The following ANKRD11 variants were observed in gnomAD, a reference collection of about 807,000 sequenced individuals.
The protein encoded by ANKRD11 is ankyrin repeat domain-containing protein 11.
A neutral mutation model predicts 195.7 loss-of-function variants in ANKRD11; 17 were observed. That is an observed-to-expected ratio of 0.09 (90% CI 0.06 to 0.13). ANKRD11 has a LOEUF of 0.13. Ranked by LOEUF, ANKRD11 falls within the 10% of genes least tolerant of loss-of-function variation. The pLI is 1.00. For missense variants in ANKRD11, 3,735 were observed against 3,566.1 expected (o/e 1.05, Z -1.21); for synonymous variants, 1,953 against 1,528.1 (o/e 1.28, Z -6.49).
chr16:89,280,454 C>T lies in ANKRD11; in HGVS notation c.6088G>A (p.Ala2030Thr), dbSNP rs747661700. 47 of 1,589,484 alleles carry T rather than the reference C, an allele frequency of 3.0e-5. No homozygotes were observed. The highest frequency in any genetic ancestry group is 3.9e-5 in the Non-Finnish European group (46 of 1,166,592). The change falls in exon 9 of 13, where the codon GCT becomes ACT. Residue 2030 changes from alanine (A) to threonine (T), a missense_variant. Ala to Thr is a moderately conservative substitution (Grantham distance 58). Transcript: ENST00000301030. ...ASPAPYALPV[A>T]EPGLEDVKDG... ...TTGACGTCCTCCAGCCCCGGCTCAG[C>T]GACGGGCAGAGCGTACGGGGCAGGA... is the stretch of plus-strand genomic sequence containing the variant.
chr16:89,294,886 G>A (rs1462555464), intron 4 of ANKRD11, among the ~76,000 whole-genome samples: 1 of 152,204 alleles, frequency 6.6e-6, no homozygotes, highest in East Asian at 1.9e-4. Flanking sequence ...ACACAGTGCA[G>A]AGCGCAGGAG....
rs547318423 is a variant in ANKRD11, at chr16:89,307,401, G to A, written c.88-2057C>T. 2.0e-5 allele frequency among the ~76,000 whole-genome samples: 3 copies of A among 152,340 alleles called. No individual in the cohort carries two copies. The South Asian group carries it at 6.2e-4, about 32-fold the overall frequency. On this transcript the variant is annotated intron_variant, in intron 3 of 12. Transcript: ENST00000301030. ...CAGTTAATCTGAGACATCCCTGAGT[G>A]ACCATGAAAGAGCTTTCCAGAACAT...
rs1013066585 is a variant in ANKRD11 at position 89,313,565 on chromosome 16, G to T, written c.87+3368C>A. ...TTCCATCTTCCACGTATATGTCACT[G>T]AGATCACGATTCTTTTGGAAAAATC... On this transcript the variant is annotated intron_variant, in intron 3 of 12. Coordinates refer to ENST00000301030, the MANE Select transcript of ANKRD11 (RefSeq NM_013275.6). The T allele has an allele frequency of 6.2e-6, 8 of 1,289,050 alleles. No homozygotes were observed. In the African/African-American group the frequency reaches 1.2e-4, roughly 20 times the overall value. 79.9% of individuals were successfully genotyped at this position (1,289,050 alleles called of 1,614,324 possible). A position where few individuals can be genotyped will look rare whatever the true frequency, so the allele number is the denominator to read the frequency against.
chr16:89,330,672 GGGGC>G (rs1456863075), intron 2 of ANKRD11, among the ~76,000 whole-genome samples: 102 of 45,870 alleles, frequency 2.2e-3, no homozygotes, highest in Non-Finnish European at 4.3e-3. Flanking sequence ...GGGGGGGGGG[GGGGC>G]GGGGGCGGAG....
At chr16:89,425,751 T>G (rs574467790) in intron 1 of ANKRD11, among the ~76,000 whole-genome samples, 4 of 152,232 alleles carry the variant, frequency 2.6e-5, no homozygotes, top group Admixed American at 2.6e-4. Context: ...TTTCTCTGAT[T>G]TAAAGTGAAA....
At chr16:89,275,400 C>T (rs1305652252) in intron 9 of ANKRD11, among the ~76,000 whole-genome samples, 3 of 152,232 alleles carry the variant, frequency 2.0e-5, no homozygotes, top group African/African-American at 7.2e-5. Context: ...CTCCACGGTG[C>T]CCCGTACAGC....
intron 1 of ANKRD11, among the ~76,000 whole-genome samples, chr16:89,456,314 C>A (rs935116651): frequency 1.3e-5 from 2 of 151,662 alleles, no homozygotes; most frequent in African/African-American, 4.8e-5. Context: ...TTCGGGAGGG[C>A]AAGACAGGCA....
intron 2 of ANKRD11, among the ~76,000 whole-genome samples, chr16:89,346,305 C>T (rs573631262): frequency 2.0e-5 from 3 of 150,536 alleles, no homozygotes; most frequent in East Asian, 1.9e-4. Flanking sequence ...GCCTCAGCCA[C>T]GGAGCAGATA....
At chr16:89,444,744 G>C (rs2043705268) in intron 1 of ANKRD11, among the ~76,000 whole-genome samples, 1 of 152,116 alleles carries the variant, frequency 6.6e-6, no homozygotes, top group Non-Finnish European at 1.5e-5. Context: ...ATGAGCTCAA[G>C]ACCAGGCTGG....
intron 1 of ANKRD11, among the ~76,000 whole-genome samples, chr16:89,486,541 A>G (rs1466173534): frequency 6.6e-6 from 1 of 152,004 alleles, no homozygotes; most frequent in East Asian, 1.9e-4. Flanking sequence ...GGGGATCTGC[A>G]TGAGATGGCA....
At chr16:89,445,423 C>T (rs2043741974) in intron 1 of ANKRD11, among the ~76,000 whole-genome samples, 1 of 152,124 alleles carries the variant, frequency 6.6e-6, no homozygotes, top group South Asian at 2.1e-4. Flanking sequence ...CCTGAAGCAA[C>T]ATCACACCTC....
rs1384428326 is a variant in ANKRD11, at chr16:89,279,950, G to T, written c.6592C>A (p.Arg2198=). Residue 2198 remains arginine, a synonymous_variant, in exon 9 of 13, where the codon CGG becomes AGG. Transcript: ENST00000301030. This position sits in a 1 kb window ranked among gnomAD's most constrained non-coding sequence, Gnocchi z 5.6. ...TCAGGCTCGAGCTCTGCAGGGAGCC[G>T]GGTGGAGGCCTGGTCAGGAGGCAGT... ...PALPPDQAST[R]LPAELEPEPS... 6.8e-6 allele frequency: 11 copies of T among 1,610,214 alleles called. No homozygotes were observed. Among genetic ancestry groups the T allele is most frequent in the Non-Finnish European group, 9.3e-6 (11 of 1,179,862 alleles).
intron 1 of ANKRD11, chr16:89,459,072 T>C (rs1363660958): frequency 5.4e-6 from 1 of 186,176 alleles, no homozygotes; most frequent in Non-Finnish European, 1.2e-5. Context: ...TACATGCATT[T>C]ATTCACATGG....
chr16:89,352,746 G>T (rs987997840), intron 2 of ANKRD11, among the ~76,000 whole-genome samples: 1 of 152,214 alleles, frequency 6.6e-6, no homozygotes, highest in African/African-American at 2.4e-5. Context: ...CTCTGAAAAT[G>T]TGTGTGCTCA....
rs549356579 is a variant in ANKRD11, at chr16:89,305,127, G to A, written c.226+79C>T. On this transcript the variant is annotated intron_variant, in intron 4 of 12. Coordinates refer to ENST00000301030, the MANE Select transcript of ANKRD11 (RefSeq NM_013275.6). ...CGTCCCAGTGCAAAGCCGGAGGTGCGGGGGCCAGGGACGCCCTGCCTGGGC... is the reference window on the plus strand; with the variant it reads ...CGTCCCAGTGCAAAGCCGGAGGTGCAGGGGCCAGGGACGCCCTGCCTGGGC... 297 of 1,567,236 alleles carry A rather than the reference G, an allele frequency of 1.9e-4. 1 individual carries two copies. In the Middle Eastern group the frequency reaches 2.8e-3, roughly 15 times the overall value.
chr16:89,302,481 G>A (rs1046419839), intron 4 of ANKRD11, among the ~76,000 whole-genome samples: 1 of 152,124 alleles, frequency 6.6e-6, no homozygotes. Flanking sequence ...TCGAACTCCT[G>A]ACCTTGTGAT....
At chr16:89,438,788 T>C (rs970216668) in intron 1 of ANKRD11, among the ~76,000 whole-genome samples, 28 of 152,228 alleles carry the variant, frequency 1.8e-4, no homozygotes, top group South Asian at 4.2e-4. Flanking sequence ...GGAGGACTGC[T>C]TGATCCCAGA....
chr16:89,313,704 T>C, intron 3 of ANKRD11: 1 of 864,718 alleles, frequency 1.2e-6, no homozygotes, highest in Non-Finnish European at 1.6e-6. Context: ...AGGTCAGATG[T>C]GTGCACCTGA....
rs1567663038 is a variant in ANKRD11 at position 89,334,169 on chromosome 16, A to AAAAC, written c.-59-17092_-59-17091insGTTT. 2.2e-4 allele frequency among the ~76,000 whole-genome samples: 24 copies of AAAAC among 107,356 alleles called. 5 individuals carry two copies. The highest frequency in any genetic ancestry group is 5.9e-4 in the Admixed American group (6 of 10,192). The allele number at this position is 107,356 out of a possible 152,430, so 70.4% of individuals were successfully genotyped here. ...TAAAAAAAAAAAAAAAAAAAAAAAA[A>AAAAC]AAAACAGAGAGAGAGAGAAAGAAAG... On this transcript the variant is annotated intron_variant, in intron 2 of 12. Transcript: ENST00000301030.
Sources: gnomAD v4.1 joint callset for allele counts (sites outside exome capture counted in the v4.1 genomes callset) on GRCh38, gnomAD v4.1.1 for gene constraint, Gnocchi (gnomAD v3.1) non-coding constraint, MANE v1.5 for transcripts, NCBI Gene and HGNC (gene_info 2026-07-23, HGNC 2026-07-21) for gene names.